PPP3CA: variants seen among roughly 807,000 people sequenced by gnomAD.
PPP3CA encodes the protein protein phosphatase 3 catalytic subunit alpha, also known as CAM-PRP catalytic subunit.
Under a neutral mutation model 66.5 loss-of-function variants are expected in PPP3CA, and 14 were observed. That is an observed-to-expected ratio of 0.21 (90% CI 0.14 to 0.33). The LOEUF (loss-of-function observed/expected upper bound fraction) is 0.33, where lower values mean the gene tolerates loss of function less well. Ranked by LOEUF, PPP3CA falls within the 10% of genes least tolerant of loss-of-function variation. The pLI is 1.00. For synonymous variants in PPP3CA, 232 were observed against 226.2 expected, an observed-to-expected ratio of 1.03 and a Z score of -0.23; for missense variants, 317 against 639.5, an observed-to-expected ratio of 0.50 and a Z score of 5.44.
chr4:101,075,645 G>C (rs1729153745), intron 8 of PPP3CA, among the ~76,000 whole-genome samples: 1 of 152,122 alleles, frequency 6.6e-6, no homozygotes, highest in African/African-American at 2.4e-5. Context: ...CATTTTCCCA[G>C]AGGTTCATTG....
chr4:101,139,821 C>T (rs1192758880), intron 2 of PPP3CA, among the ~76,000 whole-genome samples: 1 of 142,510 alleles, frequency 7.0e-6, no homozygotes, highest in Non-Finnish European at 1.5e-5. Context: ...ACTCTTTTTT[C>T]TATTGGCTTG....
intron 2 of PPP3CA, among the ~76,000 whole-genome samples, chr4:101,135,285 A>T (rs1404428574): frequency 6.6e-6 from 1 of 151,878 alleles, no homozygotes; most frequent in African/African-American, 2.4e-5. Context: ...GCCTGGGTCC[A>T]TAACGATCAC....
intron 13 of PPP3CA, among the ~76,000 whole-genome samples, chr4:101,026,851 G>T (rs1383734642): frequency 6.6e-6 from 1 of 152,146 alleles, no homozygotes; most frequent in Non-Finnish European, 1.5e-5. Flanking sequence ...GAAAAACTCA[G>T]TAGATCAATG....
intron 1 of PPP3CA, among the ~76,000 whole-genome samples, chr4:101,212,634 A>G (rs1334845191): frequency 1.3e-5 from 2 of 152,132 alleles, no homozygotes; most frequent in Non-Finnish European, 2.9e-5. Flanking sequence ...GAAGGGGGAA[A>G]AAAAGAACAA....
chr4:101,224,433 T>C (rs1322612905), intron 1 of PPP3CA, among the ~76,000 whole-genome samples: 3 of 151,846 alleles, frequency 2.0e-5, no homozygotes, highest in Non-Finnish European at 2.9e-5. Flanking sequence ...TTTCTATTAA[T>C]TGAGGTGAGA....
intron 1 of PPP3CA, among the ~76,000 whole-genome samples, chr4:101,222,471 C>T (rs540635384): frequency 2.0e-4 from 30 of 151,632 alleles, no homozygotes; most frequent in African/African-American, 7.0e-4. Flanking sequence ...TACAATAATA[C>T]ACAAAAGATT....
intron 1 of PPP3CA, among the ~76,000 whole-genome samples, chr4:101,321,612 G>A (rs1027531108): frequency 1.3e-5 from 2 of 152,094 alleles, no homozygotes; most frequent in African/African-American, 4.8e-5. Context: ...TAGGGAGCAG[G>A]ATTCACTTGT....
chr4:101,122,465 T>A (rs1444169999), intron 2 of PPP3CA, among the ~76,000 whole-genome samples: 1 of 152,218 alleles, frequency 6.6e-6, no homozygotes, highest in Non-Finnish European at 1.5e-5. Flanking sequence ...CAGGGTAGAT[T>A]CTGCTGCTTA....
intron 1 of PPP3CA, among the ~76,000 whole-genome samples, chr4:101,322,981 A>G (rs1362829269): frequency 1.3e-5 from 2 of 152,292 alleles, no homozygotes; most frequent in East Asian, 1.9e-4. Flanking sequence ...ATATGTATCA[A>G]TGTATTTAAT....
intron 1 of PPP3CA, among the ~76,000 whole-genome samples, chr4:101,344,273 G>A (rs1392770335): frequency 1.3e-5 from 2 of 152,000 alleles, no homozygotes; most frequent in Non-Finnish European, 2.9e-5. Context: ...ACATACTCAA[G>A]GGGAAATATT....
intron 2 of PPP3CA, among the ~76,000 whole-genome samples, chr4:101,154,393 C>A (rs1421906017): frequency 6.6e-6 from 1 of 151,996 alleles, no homozygotes; most frequent in Non-Finnish European, 1.5e-5. Context: ...AAATTAGTTC[C>A]AACAATTAAA....
chr4:101,143,398 C>T (rs1722871077), intron 2 of PPP3CA, among the ~76,000 whole-genome samples: 1 of 152,134 alleles, frequency 6.6e-6, no homozygotes. Context: ...TCCCTTGTCT[C>T]TCTCATTCTC....
At chr4:101,236,065 C>A (rs1037370825) in intron 1 of PPP3CA, among the ~76,000 whole-genome samples, 1 of 151,396 alleles carries the variant, frequency 6.6e-6, no homozygotes, top group Non-Finnish European at 1.5e-5. Context: ...AGACAGACAC[C>A]AGCCCTGTAC....
intron 1 of PPP3CA, among the ~76,000 whole-genome samples, chr4:101,335,564 G>C (rs900527009): frequency 1.3e-5 from 2 of 152,104 alleles, no homozygotes; most frequent in Non-Finnish European, 2.9e-5. Flanking sequence ...TCTACTTATA[G>C]ACCAGATTAG....
At chr4:101,292,107 C>T (rs968107736) in intron 1 of PPP3CA, among the ~76,000 whole-genome samples, 1 of 151,338 alleles carries the variant, frequency 6.6e-6, no homozygotes, top group Non-Finnish European at 1.5e-5. Context: ...CACACACACA[C>T]ACACACACAC....
intron 2 of PPP3CA, among the ~76,000 whole-genome samples, chr4:101,124,661 GACAGAAAGAA>G (rs1284904694): frequency 4.6e-5 from 5 of 108,930 alleles, no homozygotes; most frequent in African/African-American, 1.8e-4. Flanking sequence ...GGGAGAGAGA[GACAGAAAGAA>G]AGAAAGAAAG....
chr4:101,291,690 T>C (rs1262156814), intron 1 of PPP3CA, among the ~76,000 whole-genome samples: 1 of 152,220 alleles, frequency 6.6e-6, no homozygotes, highest in East Asian at 1.9e-4. Flanking sequence ...TGAATATCTG[T>C]AATAGCAAAC....
intron 1 of PPP3CA, among the ~76,000 whole-genome samples, chr4:101,258,105 C>T (rs2110252431): frequency 6.6e-6 from 1 of 152,128 alleles, no homozygotes; most frequent in East Asian, 1.9e-4. Context: ...AAACAATACA[C>T]AACCAGTTAT....
chr4:101,208,569 T>C (rs1296701888), intron 1 of PPP3CA, among the ~76,000 whole-genome samples: 1 of 152,226 alleles, frequency 6.6e-6, no homozygotes, highest in Non-Finnish European at 1.5e-5. Flanking sequence ...CGTGATGGTA[T>C]ACATTCCACA....
Sources: gnomAD v4.1 joint callset for allele counts (sites outside exome capture counted in the v4.1 genomes callset) on GRCh38, gnomAD v4.1.1 for gene constraint, MANE v1.5 for transcripts, NCBI Gene and HGNC (gene_info 2026-07-23, HGNC 2026-07-21) for gene names.